GLI3: variants seen among roughly 807,000 people sequenced by gnomAD.
GLI3 encodes GLI family zinc finger 3.
A neutral mutation model predicts 100.8 loss-of-function variants in GLI3; 20 were observed. That is an observed-to-expected ratio of 0.20 (90% CI 0.14 to 0.29). The LOEUF (loss-of-function observed/expected upper bound fraction) is 0.29. GLI3 is among the 10% of genes least tolerant of loss of function. GLI3 has a pLI of 1.00. For synonymous variants in GLI3, 938 were observed against 860.5 expected, an observed-to-expected ratio of 1.09 and a Z score of -1.58; for missense variants, 2,040 against 2,128.5, an observed-to-expected ratio of 0.96 and a Z score of 0.82.
At chr7:41,968,725 A>AAAGAAAGAAAG (rs1787267094) in intron 13 of GLI3, among the ~76,000 whole-genome samples, 9 of 103,074 alleles carry the variant, frequency 8.7e-5, no homozygotes, top group African/African-American at 4.5e-4. Flanking sequence ...AGAAAGAAAG[A>AAAGAAAGAAAG]AAGAAAGAAA....
At chr7:42,016,860 G>T (rs1296952419) in intron 10 of GLI3, among the ~76,000 whole-genome samples, 1 of 152,150 alleles carries the variant, frequency 6.6e-6, no homozygotes, top group African/African-American at 2.4e-5. Context: ...AGCCCATAGA[G>T]TCGCAATACA....
chr7:41,982,897 A>T (rs1246385254), intron 10 of GLI3, among the ~76,000 whole-genome samples: 1 of 152,144 alleles, frequency 6.6e-6, no homozygotes, highest in Non-Finnish European at 1.5e-5. Context: ...AATTAGAGTA[A>T]TGAATTAGAT....
chr7:42,012,408 T>C (rs1186505792), intron 10 of GLI3, among the ~76,000 whole-genome samples: 1 of 152,146 alleles, frequency 6.6e-6, no homozygotes, highest in Non-Finnish European at 1.5e-5. Flanking sequence ...CTCTCTCCTG[T>C]AACATTTCAT....
At chr7:42,094,033 G>A (rs1785284724) in intron 3 of GLI3, among the ~76,000 whole-genome samples, 1 of 152,016 alleles carries the variant, frequency 6.6e-6, no homozygotes, top group African/African-American at 2.4e-5. Flanking sequence ...AAGTCAAGCA[G>A]GAGATGAGGA....
intron 10 of GLI3, among the ~76,000 whole-genome samples, chr7:41,984,807 G>C (rs543027511): frequency 6.6e-6 from 1 of 152,192 alleles, no homozygotes; most frequent in Admixed American, 6.5e-5. Context: ...AAATCCCACA[G>C]AACTGCTTTA....
chr7:42,206,019 G>A (rs1339441540), intron 2 of GLI3, among the ~76,000 whole-genome samples: 1 of 152,176 alleles, frequency 6.6e-6, no homozygotes, highest in African/African-American at 2.4e-5. Context: ...TGTAATCCCA[G>A]CACTTTGGGA....
chr7:42,220,324 T>C (rs1788461621), intron 2 of GLI3, among the ~76,000 whole-genome samples: 1 of 152,284 alleles, frequency 6.6e-6, no homozygotes, highest in South Asian at 2.1e-4. Context: ...TCCAAGCATT[T>C]ATGAAATATT....
chr7:41,965,909 C>T lies in GLI3; in HGVS notation c.3164G>A (p.Gly1055Asp). Residue 1055 changes from glycine to aspartate, a missense_variant, in exon 15 of 15, where the codon GGC (glycine) becomes GAC (aspartate). Gly to Asp is a moderately conservative substitution (Grantham distance 94). This residue lies in a region of GLI3 where 1,041 missense variants were observed against 924.0 expected (regional missense o/e 1.13). Transcript: ENST00000395925. The part of the protein sequence containing the change: ...VLQNYTRPEG[G>D]QSRNFHSSPC... ...GGACGAGTGGAAGTTTCGGGACTGG[C>T]CGCCCTCGGGCCGCGTGTAATTCTG... 3 of 1,613,572 alleles carry T rather than the reference C, an allele frequency of 1.9e-6. No individual in the cohort carries two copies. Among genetic ancestry groups the T allele is most frequent in the Non-Finnish European group, 2.5e-6 (3 of 1,179,958 alleles).
At chr7:42,204,611 T>C (rs985009172) in intron 2 of GLI3, among the ~76,000 whole-genome samples, 23 of 152,232 alleles carry the variant, frequency 1.5e-4, no homozygotes, top group African/African-American at 5.1e-4. Flanking sequence ...TTGTTGACTA[T>C]GGAAGCACAT....
At chr7:42,040,725 C>T (rs1415292637) in intron 6 of GLI3, among the ~76,000 whole-genome samples, 1 of 152,072 alleles carries the variant, frequency 6.6e-6, no homozygotes, top group Non-Finnish European at 1.5e-5. Context: ...CCCTCAGTGC[C>T]CAGTGATTTC....
At chr7:42,102,002 A>G (rs1172441780) in intron 3 of GLI3, among the ~76,000 whole-genome samples, 1 of 151,674 alleles carries the variant, frequency 6.6e-6, no homozygotes, top group Non-Finnish European at 1.5e-5. Context: ...ATGTCCCTAC[A>G]AAGGACATGA....
intron 3 of GLI3, among the ~76,000 whole-genome samples, chr7:42,095,804 G>A (rs1785324907): frequency 6.6e-6 from 1 of 152,146 alleles, no homozygotes; most frequent in African/African-American, 2.4e-5. Flanking sequence ...TCTGGGATTT[G>A]AGAGCCACGT....
At chr7:42,245,043 A>T (rs1788958064) in intron 1 of GLI3, among the ~76,000 whole-genome samples, 1 of 152,206 alleles carries the variant, frequency 6.6e-6, no homozygotes, top group Non-Finnish European at 1.5e-5. Flanking sequence ...CACGTCCCAG[A>T]ATCATAAACT....
intron 2 of GLI3, among the ~76,000 whole-genome samples, chr7:42,210,727 T>G (rs1788256475): frequency 6.6e-6 from 1 of 152,162 alleles, no homozygotes; most frequent in African/African-American, 2.4e-5. Context: ...CAAATTATCT[T>G]ATCTCTCTCT....
chr7:42,011,734 G>A (rs910166120), intron 10 of GLI3, among the ~76,000 whole-genome samples: 1 of 152,182 alleles, frequency 6.6e-6, no homozygotes, highest in Non-Finnish European at 1.5e-5. Flanking sequence ...CAGAAGGCAG[G>A]TTGGTGGTTT....
intron 2 of GLI3, among the ~76,000 whole-genome samples, chr7:42,153,827 A>C (rs768303098): frequency 3.9e-5 from 6 of 152,222 alleles, no homozygotes; most frequent in Non-Finnish European, 8.8e-5. Context: ...GAAAAGAAAT[A>C]ACCCTTTCCC....
At chr7:42,145,396 C>A in intron 3 of GLI3, 1 of 396,476 alleles carries the variant, frequency 2.5e-6, no homozygotes, top group Non-Finnish European at 4.4e-6. Flanking sequence ...AATGTTAACA[C>A]TTCTCAAACT....
At chr7:42,180,124 T>C (rs1006764655) in intron 2 of GLI3, among the ~76,000 whole-genome samples, 9 of 151,466 alleles carry the variant, frequency 5.9e-5, no homozygotes, top group Non-Finnish European at 1.3e-4. Context: ...GAACGAGGAG[T>C]GGCCTGCAGA....
chr7:42,116,212 G>A (rs184828929), intron 3 of GLI3, among the ~76,000 whole-genome samples: 195 of 152,150 alleles, frequency 1.3e-3, no homozygotes, highest in Non-Finnish European at 1.9e-3. Context: ...TATGGGACCC[G>A]CCTTCAGGTA....
Sources: allele counts gnomAD v4.1 joint callset (sites outside exome capture counted in the v4.1 genomes callset), GRCh38; gene constraint gnomAD v4.1.1; regional missense constraint gnomAD v4.1.1; transcripts MANE v1.5; gene names NCBI Gene and HGNC (gene_info 2026-07-23, HGNC 2026-07-21).